KCNMA1: variants seen among roughly 807,000 people sequenced by gnomAD.
The protein encoded by KCNMA1 is Calcium-activated potassium channel subunit alpha-1.
A neutral mutation model predicts 140.0 loss-of-function variants in KCNMA1; 29 were observed. The observed-to-expected ratio is 0.21, with a 90% CI of 0.15 to 0.28. The LOEUF is 0.28. Among genes scored for constraint, KCNMA1 ranks in the 10% least tolerant of loss-of-function variants. The pLI, the probability that KCNMA1 is intolerant of heterozygous loss-of-function variation, is 1.00. For missense variants in KCNMA1, 880 were observed against 1,602.2 expected, an observed-to-expected ratio of 0.55 and a Z score of 7.70; for synonymous variants, 612 against 611.9, an observed-to-expected ratio of 1.00 and a Z score of 0.00.
At chr10:76,966,831 C>T (rs572998042) in intron 20 of KCNMA1, among the ~76,000 whole-genome samples, 132 of 152,336 alleles carry the variant, frequency 8.7e-4, no homozygotes, top group African/African-American at 3.0e-3. Flanking sequence ...CGTGTGTCCT[C>T]AGCCTGGGGC....
At chr10:77,631,214 TG>T in intron 1 of KCNMA1, among the ~76,000 whole-genome samples, 1 of 152,152 alleles carries the variant, frequency 6.6e-6, no homozygotes, top group Non-Finnish European at 1.5e-5. Flanking sequence ...CCAGGTTTTC[TG>T]TCCAAAGTGC....
chr10:77,425,449 C>T (rs2096963065), intron 1 of KCNMA1, among the ~76,000 whole-genome samples: 1 of 152,086 alleles, frequency 6.6e-6, no homozygotes, highest in East Asian at 1.9e-4. Flanking sequence ...GTCCACAGTG[C>T]TTGGGTGAGA....
intron 18 of KCNMA1, among the ~76,000 whole-genome samples, chr10:77,010,126 CA>C (rs1482764721): frequency 2.0e-5 from 3 of 152,176 alleles, no homozygotes; most frequent in South Asian, 4.1e-4. Context: ...AATATCCTGT[CA>C]GGGGTTATTG....
At chr10:77,438,392 C>T (rs1603619520) in intron 1 of KCNMA1, among the ~76,000 whole-genome samples, 1 of 151,830 alleles carries the variant, frequency 6.6e-6, no homozygotes. Context: ...GGAGAAACCC[C>T]GTCTCTACTA....
At chr10:76,899,868 A>G (rs2044318408) in intron 25 of KCNMA1, among the ~76,000 whole-genome samples, 1 of 152,178 alleles carries the variant, frequency 6.6e-6, no homozygotes, top group Non-Finnish European at 1.5e-5. Context: ...GCATGGTAAT[A>G]ATTATATAAT....
chr10:77,544,349 G>C (rs954200339), intron 1 of KCNMA1, among the ~76,000 whole-genome samples: 1 of 152,052 alleles, frequency 6.6e-6, no homozygotes, highest in Non-Finnish European at 1.5e-5. Context: ...TGGTTGAGAG[G>C]GTCACAGCTA....
At chr10:77,091,018 T>C (rs2096801152) in intron 9 of KCNMA1, 1 of 184,946 alleles carries the variant, frequency 5.4e-6, no homozygotes, top group Non-Finnish European at 1.2e-5. Context: ...ATGTGCGGCC[T>C]GACACGTTAT....
chr10:77,061,054 T>A (rs2095726490), intron 14 of KCNMA1, among the ~76,000 whole-genome samples: 1 of 152,218 alleles, frequency 6.6e-6, no homozygotes, highest in Non-Finnish European at 1.5e-5. Context: ...AGGTTTGTAG[T>A]AATTTATTGC....
chr10:77,084,488 T>G, intron 12 of KCNMA1, 149 bp downstream of exon 12: 1 of 707,462 alleles, frequency 1.4e-6, no homozygotes. Context: ...CAGCCTCGGC[T>G]CCCCCAGGCC....
intron 23 of KCNMA1, among the ~76,000 whole-genome samples, chr10:76,916,503 G>A (rs1406489555): frequency 6.6e-6 from 1 of 152,204 alleles, no homozygotes; most frequent in Non-Finnish European, 1.5e-5. Flanking sequence ...GCATACGGCA[G>A]CTCCACGCAA....
intron 9 of KCNMA1, among the ~76,000 whole-genome samples, chr10:77,098,000 G>A (rs984925465): frequency 1.6e-4 from 24 of 152,306 alleles, no homozygotes; most frequent in African/African-American, 4.6e-4. Context: ...GGGGAATACC[G>A]GGATGTCCCA....
chr10:77,430,512 T>TAA (rs994551072), intron 1 of KCNMA1, among the ~76,000 whole-genome samples: 4 of 151,940 alleles, frequency 2.6e-5, no homozygotes, highest in Non-Finnish European at 5.9e-5. Context: ...AACCTCTAAA[T>TAA]TGATTGAGAA....
At chr10:77,247,782 C>G (rs1345650322) in intron 3 of KCNMA1, among the ~76,000 whole-genome samples, 1 of 152,090 alleles carries the variant, frequency 6.6e-6, no homozygotes, top group Non-Finnish European at 1.5e-5. Flanking sequence ...AAGACTCAGT[C>G]CAGAGGCATC....
chr10:77,616,856 C>A (rs946383398), intron 1 of KCNMA1, among the ~76,000 whole-genome samples: 28 of 151,346 alleles, frequency 1.9e-4, no homozygotes, highest in African/African-American at 6.6e-4. Flanking sequence ...AGGGCGTTTT[C>A]AGTATTATTT....
chr10:77,309,054 C>T (rs941562236), intron 2 of KCNMA1, among the ~76,000 whole-genome samples: 3 of 152,178 alleles, frequency 2.0e-5, no homozygotes, highest in Admixed American at 1.3e-4. Context: ...CCGGCCATCT[C>T]AACAGTATTT....
chr10:77,480,762 A>C (rs2098378063), intron 1 of KCNMA1, among the ~76,000 whole-genome samples: 1 of 151,944 alleles, frequency 6.6e-6, no homozygotes, highest in Admixed American at 6.6e-5. Context: ...CCCTACCCAC[A>C]GTAATCTCAA....
At chr10:77,453,784 C>T (rs1041480079) in intron 1 of KCNMA1, among the ~76,000 whole-genome samples, 6 of 152,166 alleles carry the variant, frequency 3.9e-5, no homozygotes, top group Non-Finnish European at 8.8e-5. Context: ...TTGGTGGACA[C>T]AGGCATGTGT....
At chr10:77,472,160 TATATA>T (rs2098174745) in intron 1 of KCNMA1, among the ~76,000 whole-genome samples, 1 of 135,678 alleles carries the variant, frequency 7.4e-6, no homozygotes, top group East Asian at 2.0e-4. Flanking sequence ...ACACATATAT[TATATA>T]TTCACTGCCC....
At position 77,446,171 on chromosome 10, in the gene KCNMA1, T is replaced by C. The variant is rs529122514; in HGVS notation, c.379-42148A>G. Among the ~76,000 whole-genome samples the C allele has an allele frequency of 8.9e-4, 135 of 152,308 alleles. 1 individual carries two copies. The South Asian group carries it at 0.01, about 11-fold the overall frequency. On this transcript the variant is annotated intron_variant, in intron 1 of 27. Transcript: ENST00000286628. ...GAAACTTCTGTTCGGTGTCCCACTC[T>C]TACAGCCCCTGATTCCCCCAGGGCC... is the stretch of plus-strand genomic sequence containing the variant.
Sources: gnomAD v4.1 joint callset for allele counts (sites outside exome capture counted in the v4.1 genomes callset) on GRCh38, gnomAD v4.1.1 for gene constraint, MANE v1.5 for transcripts, NCBI Gene and HGNC (gene_info 2026-07-23, HGNC 2026-07-21) for gene names.